Variants in GPATCH8 observed in about 807,000 individuals in gnomAD.
GPATCH8 encodes the protein G patch domain-containing protein 8.
Under a neutral mutation model 118.3 loss-of-function variants are expected in GPATCH8, and 18 were observed. That is an observed-to-expected ratio of 0.15 (90% CI 0.11 to 0.23). The LOEUF is 0.23. Ranked by LOEUF, GPATCH8 falls within the 10% of genes least tolerant of loss-of-function variation. The probability of loss-of-function intolerance (pLI) is 1.00; values close to 1 mark genes in which losing one functional copy is unlikely to be tolerated. For synonymous variants in GPATCH8, 659 were observed against 684.7 expected, an observed-to-expected ratio of 0.96 and a Z score of 0.59; for missense variants, 1,631 against 1,873.8, an observed-to-expected ratio of 0.87 and a Z score of 2.39.
At chr17:44,495,789 CA>C (rs1969624365) in intron 1 of GPATCH8, among the ~76,000 whole-genome samples, 1 of 152,200 alleles carries the variant, frequency 6.6e-6, no homozygotes, top group East Asian at 1.9e-4. Flanking sequence ...TAATTTCACT[CA>C]TAGCTCTATT....
chr17:44,466,813 G>A (rs938078715), intron 2 of GPATCH8, among the ~76,000 whole-genome samples: 1 of 151,972 alleles, frequency 6.6e-6, no homozygotes, highest in Non-Finnish European at 1.5e-5. Context: ...AAGAGTATAT[G>A]GTTTATCAGA....
Position 44,399,109 on chromosome 17 carries a change from G to C in GPATCH8, c.2968C>G (p.Arg990Gly). 3.7e-6 allele frequency: 6 copies of C among 1,613,340 alleles called. No individual in the cohort carries two copies. Among genetic ancestry groups the C allele is most frequent in the Non-Finnish European group, 5.1e-6 (6 of 1,179,492 alleles). ...HSWQRSRSYS[R>G]DRSRSTRSPS... The stretch of plus-strand genomic sequence containing the variant: ...CTCCTGGTGCTGCGGCTGCGGTCCC[G>C]GCTATAGCTCCGGCTCCGTTGCCAG... The change falls in exon 8 of 8, where the codon CGG becomes GGG. Residue 990 changes from arginine to glycine, a missense_variant. Physicochemically the swap from Arg to Gly is moderately radical, Grantham distance 125. Transcript: ENST00000591680.
chr17:44,452,200 G>A (rs1461822863), intron 3 of GPATCH8, among the ~76,000 whole-genome samples: 1 of 149,532 alleles, frequency 6.7e-6, no homozygotes, highest in Non-Finnish European at 1.5e-5. Flanking sequence ...TTGAACCAGG[G>A]AGGTGGAGGT....
chr17:44,491,252 A>G (rs902355996), intron 1 of GPATCH8, among the ~76,000 whole-genome samples: 12 of 152,314 alleles, frequency 7.9e-5, no homozygotes, highest in African/African-American at 2.9e-4. Context: ...GCACTTTGGG[A>G]GGCCAAGGCA....
intron 1 of GPATCH8, among the ~76,000 whole-genome samples, chr17:44,490,876 TTC>T (rs1969193993): frequency 6.6e-6 from 1 of 152,220 alleles, no homozygotes; most frequent in Non-Finnish European, 1.5e-5. Context: ...ATGTGGAAAC[TTC>T]TCTCTTACAA....
chr17:44,489,544 T>C (rs911696326), intron 1 of GPATCH8, among the ~76,000 whole-genome samples: 4 of 152,134 alleles, frequency 2.6e-5, no homozygotes, highest in Non-Finnish European at 5.9e-5. Context: ...TTCACCATGT[T>C]GGCCAGGCTG....
chr17:44,426,725 ACAAT>A (rs368348728), intron 5 of GPATCH8, among the ~76,000 whole-genome samples: 4 of 152,072 alleles, frequency 2.6e-5, no homozygotes, highest in African/African-American at 9.7e-5. Context: ...ACAATCAGTG[ACAAT>A]CAATAGTGTA....
chr17:44,498,301 G>A (rs533663608), intron 1 of GPATCH8, among the ~76,000 whole-genome samples: 2 of 152,248 alleles, frequency 1.3e-5, no homozygotes, highest in Admixed American at 1.3e-4. Context: ...TATTTGTCCA[G>A]ATCTGTTTCT....
chr17:44,493,409 T>G (rs1431400990), intron 1 of GPATCH8, among the ~76,000 whole-genome samples: 3 of 152,186 alleles, frequency 2.0e-5, no homozygotes, highest in Non-Finnish European at 2.9e-5. Flanking sequence ...ATTATAATCT[T>G]TAATAAGCAT....
At position 44,441,653 on chromosome 17, in the gene GPATCH8, G is replaced by A. The variant is rs570758008; in HGVS notation, c.194-5108C>T. Among the ~76,000 whole-genome samples, 9 of 152,016 alleles carry A rather than the reference G, an allele frequency of 5.9e-5. No individual in the cohort carries two copies. In the South Asian group the frequency reaches 1.9e-3, roughly 32 times the overall value. ...GCAGGAGAATCACTTTAACCCGGGA[G>A]GCAGAGGTTGCAGTTAGCTAAGATT... On this transcript the variant is annotated intron_variant, in intron 3 of 7. Transcript: ENST00000591680.
rs957582511 is a variant in GPATCH8, at chr17:44,396,319, TTCTC to T, written c.*1245_*1248del. ...CTTCTCCTCTGTGGGGTCTACCTGT[TTCTC>T]TGTGTAAAACAGCAAAAGTACATGA... is the stretch of plus-strand genomic sequence containing the variant. On this transcript the variant is annotated 3_prime_UTR_variant, in exon 8 of 8. Transcript: ENST00000591680. 4.4e-6 allele frequency: 2 copies of T among 454,354 alleles called. No individual in the cohort carries two copies. The highest frequency in any genetic ancestry group is 8.8e-6 in the Non-Finnish European group (2 of 226,788). 28.1% of individuals were successfully genotyped at this position (454,354 alleles called of 1,614,324 possible). A position where few individuals can be genotyped will look rare whatever the true frequency, so the allele number is the denominator to read the frequency against.
chr17:44,424,280 A>C, intron 6 of GPATCH8, 69 bp downstream of exon 6: 1 of 1,032,624 alleles, frequency 9.7e-7, no homozygotes, highest in Non-Finnish European at 1.5e-6. Context: ...TGGGGGGTAT[A>C]CTCATAAAAT....
At chr17:44,435,673 T>C (rs550739063) in intron 4 of GPATCH8, among the ~76,000 whole-genome samples, 25 of 146,174 alleles carry the variant, frequency 1.7e-4, no homozygotes, top group African/African-American at 5.4e-4. Flanking sequence ...TGTCTCGGCC[T>C]CCCACAGTGC....
intron 6 of GPATCH8, among the ~76,000 whole-genome samples, chr17:44,411,879 G>C (rs182044066): frequency 6.6e-6 from 1 of 152,222 alleles, no homozygotes; most frequent in Non-Finnish European, 1.5e-5. Flanking sequence ...GATCGCTTGA[G>C]GACAGGAGTC....
Position 44,399,468 on chromosome 17 carries a change from TAAGAACGCCGGG to T in GPATCH8, c.2597_2608del (p.Ser866_Ser869del). ...TGAAGAGGCATCTGAGCTACTTGAG[TAAGAACGCCGGG>T]AGGAACGATGCGAGGAATGGCGCCG... On this transcript the variant is annotated inframe_deletion, in exon 8 of 8. Transcript: ENST00000591680. 6.2e-7 allele frequency: 1 copy of T among 1,614,038 alleles called. No homozygotes were observed.
At chr17:44,408,428 C>T (rs2049312613) in intron 6 of GPATCH8, among the ~76,000 whole-genome samples, 1 of 152,136 alleles carries the variant, frequency 6.6e-6, no homozygotes, top group Non-Finnish European at 1.5e-5. Flanking sequence ...CTCAGGTGAT[C>T]CGCCCGCCTC....
intron 7 of GPATCH8, among the ~76,000 whole-genome samples, chr17:44,405,354 A>G (rs2049180011): frequency 6.6e-6 from 1 of 150,794 alleles, no homozygotes; most frequent in Admixed American, 6.6e-5. Flanking sequence ...GATTATAGGC[A>G]TGTGCCACCA....
At chr17:44,422,093 T>C (rs777666365) in intron 6 of GPATCH8, among the ~76,000 whole-genome samples, 5 of 152,206 alleles carry the variant, frequency 3.3e-5, no homozygotes, top group Non-Finnish European at 7.3e-5. Flanking sequence ...TATTTCTTAA[T>C]TGAAAAAATT....
intron 6 of GPATCH8, among the ~76,000 whole-genome samples, chr17:44,416,594 G>A (rs951454752): frequency 5.3e-5 from 8 of 152,312 alleles, no homozygotes; most frequent in Non-Finnish European, 1.0e-4. Flanking sequence ...TTCAAGTGCT[G>A]AGATGCACTC....
Sources: allele counts gnomAD v4.1 joint callset (sites outside exome capture counted in the v4.1 genomes callset), GRCh38; gene constraint gnomAD v4.1.1; transcripts MANE v1.5; gene names NCBI Gene and HGNC (gene_info 2026-07-23, HGNC 2026-07-21).